The following GOLPH3 variants were observed in gnomAD, a reference collection of about 807,000 sequenced individuals.
GOLPH3 encodes the protein golgi phosphoprotein 3, also known as coat protein GPP34.
Under a neutral mutation model 28.5 loss-of-function variants are expected in GOLPH3, and 14 were observed. The ratio of observed to expected loss-of-function variants is 0.49; its 90% confidence interval spans 0.32 to 0.77. GOLPH3 has a LOEUF of 0.77. GOLPH3 is among the 30% of genes least tolerant of loss of function. The pLI is 0.03. For missense variants in GOLPH3, 350 were observed against 393.7 expected (o/e 0.89, Z 0.94); for synonymous variants, 158 against 159.2 (o/e 0.99, Z 0.06).
At chr5:32,157,385 G>A (rs982968030) in intron 1 of GOLPH3, among the ~76,000 whole-genome samples, 3 of 152,156 alleles carry the variant, frequency 2.0e-5, no homozygotes, top group Non-Finnish European at 2.9e-5. Flanking sequence ...TGAGTACTAA[G>A]TACTGTGGGA....
At chr5:32,172,587 C>T (rs770137666) in intron 1 of GOLPH3, among the ~76,000 whole-genome samples, 5 of 151,928 alleles carry the variant, frequency 3.3e-5, no homozygotes, top group Non-Finnish European at 5.9e-5. Context: ...CCCGGCTACT[C>T]GGGAGGCTGA....
At chr5:32,126,904 T>A (rs954455729) in intron 3 of GOLPH3, among the ~76,000 whole-genome samples, 1 of 152,170 alleles carries the variant, frequency 6.6e-6, no homozygotes, top group African/African-American at 2.4e-5. Context: ...CCCTTAGTCT[T>A]ATGTGGAAAT....
intron 1 of GOLPH3, among the ~76,000 whole-genome samples, chr5:32,165,984 T>A (rs1214298611): frequency 4.6e-5 from 7 of 152,218 alleles, no homozygotes; most frequent in Admixed American, 3.9e-4. Flanking sequence ...AACCTTAAGC[T>A]AAAACAAACA....
chr5:32,165,369 G>C (rs576782516), intron 1 of GOLPH3, among the ~76,000 whole-genome samples: 2 of 152,234 alleles, frequency 1.3e-5, no homozygotes, highest in East Asian at 3.9e-4. Context: ...GATCACATGA[G>C]GTCATGAGTT....
intron 3 of GOLPH3, among the ~76,000 whole-genome samples, chr5:32,130,632 G>A (rs74993666): frequency 0.071 from 10,735 of 152,058 alleles, 913 homozygotes; most frequent in African/African-American, 0.2. Flanking sequence ...GGAAAAAAAA[G>A]TCAAGAAACG....
At chr5:32,173,786 C>A in intron 1 of GOLPH3, 24 bp downstream of exon 1, 1 of 1,347,448 alleles carries the variant, frequency 7.4e-7, no homozygotes, top group Non-Finnish European at 9.5e-7. Flanking sequence ...CCGCCGCCCC[C>A]CGCCCAGCCC....
chr5:32,148,874 T>C (rs199974205), intron 1 of GOLPH3, among the ~76,000 whole-genome samples: 1 of 149,914 alleles, frequency 6.7e-6, no homozygotes, highest in African/African-American at 2.5e-5. Flanking sequence ...ACTCAGGAGG[T>C]TGAGGCAGGA....
chr5:32,143,168 C>G (rs1746119137), intron 2 of GOLPH3, among the ~76,000 whole-genome samples: 1 of 152,202 alleles, frequency 6.6e-6, no homozygotes, highest in African/African-American at 2.4e-5. Flanking sequence ...CCTGTGCTCT[C>G]TGAAACATGT....
chr5:32,141,971 C>G (rs1174852373), intron 2 of GOLPH3, among the ~76,000 whole-genome samples: 1 of 152,184 alleles, frequency 6.6e-6, no homozygotes, highest in Non-Finnish European at 1.5e-5. Context: ...CACCTCCCAG[C>G]AGCCTGCCTT....
At position 32,174,307 on chromosome 5, in the gene GOLPH3, G is replaced by T. The variant is rs572336541; in HGVS notation, c.-273C>A. 187 of 322,136 alleles carry T rather than the reference G, an allele frequency of 5.8e-4. No individual in the cohort carries two copies. The highest frequency in any genetic ancestry group is 3.4e-3 in the African/African-American group (156 of 46,504). The allele number at this position is 322,136 out of a possible 1,614,324, so 20.0% of individuals were successfully genotyped here. ...GCTCCAAGGCGGAGGCGGCGGCGGC[G>T]CCTTTCCAATATGGCGGCCCCGGCT... On this transcript the variant is annotated 5_prime_UTR_variant, in exon 1 of 4. Coordinates refer to ENST00000265070, the MANE Select transcript of GOLPH3 (RefSeq NM_022130.4).
chr5:32,127,443 TG>T (rs1561654259), intron 3 of GOLPH3, among the ~76,000 whole-genome samples: 4 of 152,216 alleles, frequency 2.6e-5, no homozygotes, highest in Admixed American at 2.6e-4. Context: ...CTTTTTTAAA[TG>T]CAAACGTTGT....
At chr5:32,136,425 G>A (rs1438122563) in intron 2 of GOLPH3, among the ~76,000 whole-genome samples, 1 of 151,730 alleles carries the variant, frequency 6.6e-6, no homozygotes, top group Admixed American at 6.6e-5. Flanking sequence ...AGGTTGCAGC[G>A]GGCCGAGATT....
intron 3 of GOLPH3, among the ~76,000 whole-genome samples, chr5:32,128,674 CA>C (rs1745751617): frequency 6.6e-6 from 1 of 151,540 alleles, no homozygotes. Context: ...AATTTAAAAA[CA>C]AAAACAAAAA....
At chr5:32,161,523 A>AT (rs1746577544) in intron 1 of GOLPH3, among the ~76,000 whole-genome samples, 1 of 151,120 alleles carries the variant, frequency 6.6e-6, no homozygotes. Context: ...GAGTTTTCTG[A>AT]TTTGGAGCAT....
chr5:32,170,246 T>C (rs1746801959), intron 1 of GOLPH3, among the ~76,000 whole-genome samples: 1 of 152,176 alleles, frequency 6.6e-6, no homozygotes, highest in Non-Finnish European at 1.5e-5. Flanking sequence ...AATTAATCTA[T>C]GCTGAATTCT....
chr5:32,143,132 T>A (rs1176595061), intron 2 of GOLPH3, among the ~76,000 whole-genome samples: 1 of 152,254 alleles, frequency 6.6e-6, no homozygotes, highest in African/African-American at 2.4e-5. Context: ...CTTGGGATCC[T>A]GTTGATCGGT....
At chr5:32,145,236 G>C (rs1216358876) in intron 1 of GOLPH3, among the ~76,000 whole-genome samples, 1 of 152,164 alleles carries the variant, frequency 6.6e-6, no homozygotes, top group Admixed American at 6.5e-5. Flanking sequence ...CAATTTAAAG[G>C]AGGCACAAGC....
At chr5:32,154,881 G>C (rs894897784) in intron 1 of GOLPH3, among the ~76,000 whole-genome samples, 2 of 152,080 alleles carry the variant, frequency 1.3e-5, no homozygotes, top group Admixed American at 1.3e-4. Flanking sequence ...TCAGGAGTTC[G>C]AGACCAGCCT....
At chr5:32,155,148 A>T (rs1396121547) in intron 1 of GOLPH3, among the ~76,000 whole-genome samples, 1 of 151,770 alleles carries the variant, frequency 6.6e-6, no homozygotes, top group African/African-American at 2.4e-5. Flanking sequence ...TGATGGATAC[A>T]CAACTCTAAA....
Sources: gnomAD v4.1 joint callset for allele counts (sites outside exome capture counted in the v4.1 genomes callset) on GRCh38, gnomAD v4.1.1 for gene constraint, MANE v1.5 for transcripts, NCBI Gene and HGNC (gene_info 2026-07-23, HGNC 2026-07-21) for gene names.